Variants in PCDH15 observed in about 807,000 individuals in gnomAD.
The protein encoded by PCDH15 is protocadherin-15.
Under a neutral mutation model 178.5 loss-of-function variants are expected in PCDH15, and 129 were observed. That is an observed-to-expected ratio of 0.72 (90% CI 0.63 to 0.84). The LOEUF (loss-of-function observed/expected upper bound fraction) is 0.84. Ranked by LOEUF, PCDH15 falls within the 40% of genes least tolerant of loss-of-function variation. The pLI is 0.00. For missense variants in PCDH15, 2,230 were observed against 2,099.9 expected (o/e 1.06, Z -1.21); for synonymous variants, 800 against 732.0 (o/e 1.09, Z -1.50).
chr10:53,956,330 C>T (rs1201230848), intron 23 of PCDH15, among the ~76,000 whole-genome samples: 2 of 151,960 alleles, frequency 1.3e-5, no homozygotes, highest in African/African-American at 4.8e-5. Flanking sequence ...AGGAGGCATC[C>T]AGATACTGCT....
At chr10:55,000,098 A>G (rs1473787195) in intron 2 of PCDH15, among the ~76,000 whole-genome samples, 1 of 152,202 alleles carries the variant, frequency 6.6e-6, no homozygotes. Flanking sequence ...ACATCTTATC[A>G]GGAGACATGG....
In PCDH15 at chr10:54,242,967, A is replaced by G. The variant is rs114113083; in HGVS notation, c.877-6036T>C. On this transcript the variant is annotated intron_variant, in intron 8 of 37. Coordinates refer to ENST00000644397, the MANE Select transcript of PCDH15 (RefSeq NM_001384140.1). ...TACACTGTATTTTAATCAAGTAATAACATCATAGTATTTGGAGAAAGGTTA... is the reference window on the plus strand; with the variant it reads ...TACACTGTATTTTAATCAAGTAATAGCATCATAGTATTTGGAGAAAGGTTA... Among the ~76,000 whole-genome samples, 1,373 of 152,306 alleles carry G rather than the reference A, an allele frequency of 9.0e-3. 23 individuals are homozygous for G. The highest frequency in any genetic ancestry group is 0.031 in the African/African-American group (1,301 of 41,568).
intron 26 of PCDH15, among the ~76,000 whole-genome samples, chr10:53,871,480 G>GTGTATA (rs1164989375): frequency 4.7e-5 from 7 of 150,128 alleles, no homozygotes; most frequent in African/African-American, 1.7e-4. Flanking sequence ...GTGTGTGTGT[G>GTGTATA]TATATACACA....
chr10:55,570,186 G>T (rs1486140219), intron 2 of PCDH15, among the ~76,000 whole-genome samples: 1 of 151,800 alleles, frequency 6.6e-6, no homozygotes, highest in African/African-American at 2.4e-5. Flanking sequence ...TGCATTTTTT[G>T]ACAGCTTTAT....
At chr10:55,036,778 C>A (rs546223818) in intron 2 of PCDH15, among the ~76,000 whole-genome samples, 2 of 152,202 alleles carry the variant, frequency 1.3e-5, no homozygotes, top group East Asian at 1.9e-4. Flanking sequence ...AAACTATAAA[C>A]AATAAACTTA....
intron 18 of PCDH15, among the ~76,000 whole-genome samples, chr10:54,026,720 C>T (rs982721545): frequency 1.3e-5 from 2 of 152,146 alleles, no homozygotes; most frequent in Admixed American, 6.5e-5. Flanking sequence ...GCAGAAAAAG[C>T]GTTTGACAAA....
At chr10:55,337,796 A>C (rs1279546355) in intron 2 of PCDH15, among the ~76,000 whole-genome samples, 2 of 152,178 alleles carry the variant, frequency 1.3e-5, no homozygotes, top group Admixed American at 6.5e-5. Flanking sequence ...GAAAAATTTA[A>C]GGGATAGTGG....
intron 8 of PCDH15, among the ~76,000 whole-genome samples, chr10:54,304,515 T>C (rs751925491): frequency 9.2e-5 from 14 of 151,880 alleles, no homozygotes; most frequent in Non-Finnish European, 1.9e-4. Context: ...ACTTAGAATG[T>C]CCAAGGGATA....
At chr10:55,439,575 A>G (rs1839131869) in intron 2 of PCDH15, among the ~76,000 whole-genome samples, 1 of 146,020 alleles carries the variant, frequency 6.8e-6, no homozygotes, top group South Asian at 2.2e-4. Context: ...GTTGGTGCAA[A>G]AGTTATTGCA....
At chr10:55,091,917 G>A (rs1412113977) in intron 2 of PCDH15, among the ~76,000 whole-genome samples, 2 of 151,280 alleles carry the variant, frequency 1.3e-5, no homozygotes, top group Non-Finnish European at 3.0e-5. Context: ...CTAGGGGTCG[G>A]TGTGAGTGCA....
chr10:55,502,483 C>T lies in PCDH15; in HGVS notation c.-156+125142G>A, dbSNP rs578163612. On this transcript the variant is annotated intron_variant, in intron 2 of 5. Transcript: ENST00000613346. ...TATCTCCATCATAACCTGGATGTCA[C>T]GTTGGAGTGTCATATTTATTATCAG... 3.4e-4 allele frequency among the ~76,000 whole-genome samples: 52 copies of T among 151,614 alleles called. 1 individual carries two copies. Among genetic ancestry groups the T allele is most frequent in the Non-Finnish European group, 1.5e-4 (10 of 67,802 alleles).
intron 32 of PCDH15, chr10:53,822,126 G>C: frequency 4.4e-6 from 7 of 1,606,424 alleles, no homozygotes; most frequent in Non-Finnish European, 5.1e-6. Flanking sequence ...CACTGTCGTT[G>C]TTGATAGCTG....
chr10:54,930,909 A>T (rs1316202977), intron 2 of PCDH15, among the ~76,000 whole-genome samples: 6 of 152,162 alleles, frequency 3.9e-5, no homozygotes, highest in Non-Finnish European at 8.8e-5. Flanking sequence ...GTAACAAAAC[A>T]TTTGGGCAAT....
intron 2 of PCDH15, among the ~76,000 whole-genome samples, chr10:55,050,061 T>C (rs549380330): frequency 7.3e-4 from 111 of 152,184 alleles, no homozygotes; most frequent in African/African-American, 2.5e-3. Flanking sequence ...AATATTTAGA[T>C]AGATTTTATG....
At chr10:53,919,507 C>A (rs912937473) in intron 25 of PCDH15, among the ~76,000 whole-genome samples, 5 of 152,108 alleles carry the variant, frequency 3.3e-5, no homozygotes, top group Admixed American at 3.3e-4. Flanking sequence ...TCAATTTACT[C>A]CTGTAATAAC....
intron 2 of PCDH15, among the ~76,000 whole-genome samples, chr10:55,344,455 C>T (rs1844688794): frequency 6.6e-6 from 1 of 151,908 alleles, no homozygotes; most frequent in African/African-American, 2.4e-5. Context: ...TGACTAGGAC[C>T]AGAACAATGA....
intron 2 of PCDH15, among the ~76,000 whole-genome samples, chr10:55,133,349 T>C (rs892098655): frequency 1.3e-5 from 2 of 152,128 alleles, no homozygotes; most frequent in African/African-American, 2.4e-5. Context: ...GAGAAATCAT[T>C]CCTTAAATTC....
At chr10:54,853,929 G>A (rs1953689031) in intron 3 of PCDH15, among the ~76,000 whole-genome samples, 1 of 152,166 alleles carries the variant, frequency 6.6e-6, no homozygotes, top group South Asian at 2.1e-4. Context: ...TTTTGCCCAA[G>A]TTTTGCTCAG....
intron 2 of PCDH15, among the ~76,000 whole-genome samples, chr10:55,385,758 T>A (rs192864633): frequency 1.4e-5 from 2 of 144,894 alleles, no homozygotes; most frequent in African/African-American, 5.3e-5. Context: ...CATATATATG[T>A]ATAGATATAT....
Sources: gnomAD v4.1 joint callset for allele counts (sites outside exome capture counted in the v4.1 genomes callset) on GRCh38, gnomAD v4.1.1 for gene constraint, MANE v1.5 for transcripts, NCBI Gene and HGNC (gene_info 2026-07-23, HGNC 2026-07-21) for gene names.